Variants in RBFOX1 observed in about 807,000 individuals in gnomAD.
RBFOX1 encodes RNA binding fox-1 homolog 1, also known as RNA binding protein fox-1 homolog 1.
In RBFOX1, 8 loss-of-function variants were observed where a neutral mutation model predicts 57.7. That is an observed-to-expected ratio of 0.14 (90% confidence interval 0.08 to 0.25). RBFOX1 has a LOEUF of 0.25. Ranked by LOEUF, RBFOX1 falls within the 10% of genes least tolerant of loss-of-function variation. RBFOX1 has a pLI of 1.00. For missense variants in RBFOX1, 611 were observed against 548.5 expected (o/e 1.11, Z -1.14); for synonymous variants, 326 against 222.4 (o/e 1.47, Z -4.15).
intron 1 of RBFOX1, among the ~76,000 whole-genome samples, chr16:6,041,737 A>T (rs2095438619): frequency 1.3e-5 from 2 of 152,168 alleles, no homozygotes. Context: ...GACCAAATAC[A>T]TCAGAAGACA....
At chr16:7,119,036 C>G (rs571839542) in intron 4 of RBFOX1, among the ~76,000 whole-genome samples, 5 of 152,194 alleles carry the variant, frequency 3.3e-5, no homozygotes, top group Admixed American at 1.3e-4. Flanking sequence ...ATCAAGGTTA[C>G]TTTTTGCAGG....
At chr16:6,771,801 A>G (rs1396043838) in intron 3 of RBFOX1, among the ~76,000 whole-genome samples, 2 of 152,168 alleles carry the variant, frequency 1.3e-5, no homozygotes, top group Non-Finnish European at 2.9e-5. Flanking sequence ...TACCCAGCCT[A>G]AAGTGGCAAT....
At chr16:6,177,181 T>A (rs889257620) in intron 1 of RBFOX1, among the ~76,000 whole-genome samples, 27 of 151,098 alleles carry the variant, frequency 1.8e-4, no homozygotes, top group Non-Finnish European at 3.7e-4. Context: ...TCTCATTTCT[T>A]GTTTGTTTTT....
At chr16:6,164,712 T>C (rs1442341966) in intron 1 of RBFOX1, among the ~76,000 whole-genome samples, 1 of 152,068 alleles carries the variant, frequency 6.6e-6, no homozygotes, top group East Asian at 1.9e-4. Flanking sequence ...TTCTGACCTC[T>C]GGTGATCCAC....
chr16:6,726,765 A>G (rs1219953533), intron 3 of RBFOX1, among the ~76,000 whole-genome samples: 1 of 152,024 alleles, frequency 6.6e-6, no homozygotes, highest in Non-Finnish European at 1.5e-5. Context: ...TTTGAATATC[A>G]TTAACTTACG....
chr16:5,281,204 G>A (rs1010265030), intron 1 of RBFOX1, among the ~76,000 whole-genome samples: 7 of 151,952 alleles, frequency 4.6e-5, no homozygotes, highest in African/African-American at 1.7e-4. Context: ...TGATTCAATA[G>A]CACGTTTAAT....
At chr16:6,014,456 TC>T (rs1454267840), upstream of RBFOX1, among the ~76,000 whole-genome samples, 1 of 152,148 alleles carries the variant, frequency 6.6e-6, no homozygotes, top group African/African-American at 2.4e-5. Context: ...GATAGCTCAT[TC>T]TCAGTATTAA....
intron 4 of RBFOX1, among the ~76,000 whole-genome samples, chr16:7,351,901 G>T (rs1409527331): frequency 6.6e-6 from 1 of 152,126 alleles, no homozygotes; most frequent in Non-Finnish European, 1.5e-5. Context: ...CTGCCAAGGA[G>T]TTTCCAACCC....
At chr16:7,666,630 G>C (rs1261651574) in intron 13 of RBFOX1, among the ~76,000 whole-genome samples, 1 of 152,070 alleles carries the variant, frequency 6.6e-6, no homozygotes, top group Non-Finnish European at 1.5e-5. Flanking sequence ...GAAAAAGAAG[G>C]GACTCATTTA....
chr16:5,260,123 C>T (rs1567246805), intron 1 of RBFOX1, among the ~76,000 whole-genome samples: 1 of 152,098 alleles, frequency 6.6e-6, no homozygotes, highest in East Asian at 1.9e-4. Flanking sequence ...ATCGCTTAAG[C>T]CTGGGAGGTG....
intron 1 of RBFOX1, chr16:6,038,309 G>T (rs1031096900): frequency 6.7e-6 from 1 of 150,316 alleles, no homozygotes; most frequent in African/African-American, 2.4e-5. Flanking sequence ...AGCCTCCTGA[G>T]TAGGTGGGAT....
At chr16:6,245,006 A>G (rs2097561381) in intron 1 of RBFOX1, among the ~76,000 whole-genome samples, 1 of 151,948 alleles carries the variant, frequency 6.6e-6, no homozygotes. Context: ...TATTTATTAT[A>G]TTTGATCAGA....
chr16:5,255,330 A>ATCCATCCATCCATCCC lies in RBFOX1; in HGVS notation c.219+15240_219+15241insCTCCATCCATCCATCC, dbSNP rs1253998942. 2.9e-3 allele frequency among the ~76,000 whole-genome samples: 343 copies of ATCCATCCATCCATCCC among 118,664 alleles called. 7 individuals carry two copies. Among genetic ancestry groups the ATCCATCCATCCATCCC allele is most frequent in the Admixed American group, 0.013 (150 of 11,582 alleles). 77.8% of individuals were successfully genotyped at this position (118,664 alleles called of 152,430 possible). On this transcript the variant is annotated intron_variant, in intron 1 of 2. Transcript: ENST00000585867. ...TATCCGTCCACACTTCCTTCCATCCATCCATCCATCCATCCATCCATCCCT... is the reference window on the plus strand; with the variant it reads ...TATCCGTCCACACTTCCTTCCATCCATCCATCCATCCATCCCTCCATCCATCCATCCATCCATCCCT...
intron 3 of RBFOX1, among the ~76,000 whole-genome samples, chr16:6,836,327 GAA>G (rs1567480928): frequency 0.025 from 3,827 of 152,298 alleles, 150 homozygotes; most frequent in African/African-American, 0.087. Context: ...TTACTCCAAA[GAA>G]AGAAAACTGC....
At chr16:6,755,606 C>G (rs2075664984) in intron 3 of RBFOX1, among the ~76,000 whole-genome samples, 1 of 152,144 alleles carries the variant, frequency 6.6e-6, no homozygotes, top group East Asian at 1.9e-4. Flanking sequence ...AGTGTTTTAT[C>G]ATGAAGAACT....
At chr16:6,461,422 C>G (rs28578008) in intron 2 of RBFOX1, among the ~76,000 whole-genome samples, 2,079 of 152,232 alleles carry the variant, frequency 0.014, 50 homozygotes, top group African/African-American at 0.048. Flanking sequence ...ATTTTGAGGG[C>G]TACTATCAGC....
At chr16:6,301,692 AAC>A (rs2152743717) in intron 1 of RBFOX1, among the ~76,000 whole-genome samples, 1 of 152,296 alleles carries the variant, frequency 6.6e-6, no homozygotes, top group East Asian at 1.9e-4. Flanking sequence ...ATTTTATAAA[AAC>A]AGTTTAGGGG....
intron 4 of RBFOX1, among the ~76,000 whole-genome samples, chr16:7,149,162 C>T (rs1282432320): frequency 6.6e-6 from 1 of 152,172 alleles, no homozygotes; most frequent in Non-Finnish European, 1.5e-5. Flanking sequence ...TCATTTCCTA[C>T]TGCCCAGTTT....
chr16:5,387,143 G>T (rs574964956), intron 1 of RBFOX1, among the ~76,000 whole-genome samples: 23 of 152,316 alleles, frequency 1.5e-4, no homozygotes, highest in African/African-American at 5.5e-4. Flanking sequence ...TCAAATCTTG[G>T]GGTGTAAGGA....
Sources: allele counts gnomAD v4.1 joint callset (sites outside exome capture counted in the v4.1 genomes callset), GRCh38; gene constraint gnomAD v4.1.1; transcripts MANE v1.5; gene names NCBI Gene and HGNC (gene_info 2026-07-23, HGNC 2026-07-21).